Variants in MAN2A1 observed in about 807,000 individuals in gnomAD.
MAN2A1 encodes the protein mannosidase alpha class 2A member 1.
A neutral mutation model predicts 142.6 loss-of-function variants in MAN2A1; 76 were observed. The ratio of observed to expected loss-of-function variants is 0.53; its 90% CI spans 0.44 to 0.65. MAN2A1 has a LOEUF of 0.65. Among genes scored for constraint, MAN2A1 ranks in the 30% least tolerant of loss-of-function variants. The pLI is 0.00. For missense variants in MAN2A1, 1,311 were observed against 1,365.1 expected (o/e 0.96, Z 0.62); for synonymous variants, 559 against 473.2 (o/e 1.18, Z -2.35).
chr5:109,866,506 G>C (rs891231753), intron 21 of MAN2A1, among the ~76,000 whole-genome samples: 1 of 152,050 alleles, frequency 6.6e-6, no homozygotes, highest in Non-Finnish European at 1.5e-5. Context: ...TTCTTTTATT[G>C]AAAAAGCCCC....
chr5:109,709,910 A>G (rs950764992), intron 1 of MAN2A1, among the ~76,000 whole-genome samples: 35 of 152,176 alleles, frequency 2.3e-4, no homozygotes, highest in African/African-American at 8.4e-4. Flanking sequence ...TTGACTTCTC[A>G]GCATAATTGA....
At chr5:109,725,927 G>A (rs182888894) in intron 3 of MAN2A1, among the ~76,000 whole-genome samples, 64 of 152,054 alleles carry the variant, frequency 4.2e-4, no homozygotes, top group Non-Finnish European at 5.9e-5. Flanking sequence ...AAAAAATAGT[G>A]GTATCGAATT....
intron 1 of MAN2A1, among the ~76,000 whole-genome samples, chr5:109,705,216 T>C (rs1329336913): frequency 6.6e-6 from 1 of 152,140 alleles, no homozygotes; most frequent in Non-Finnish European, 1.5e-5. Flanking sequence ...CAAGCTACCA[T>C]GGCTTTTACC....
chr5:109,775,025 C>A, intron 8 of MAN2A1, 60 bp downstream of exon 8: 2 of 1,154,306 alleles, frequency 1.7e-6, no homozygotes, highest in Non-Finnish European at 2.5e-6. Flanking sequence ...TTAAATGAGA[C>A]TATAAACAGA....
intron 20 of MAN2A1, chr5:109,862,918 T>C (rs376470164): frequency 6.6e-6 from 1 of 152,232 alleles, no homozygotes; most frequent in East Asian, 1.9e-4. Flanking sequence ...TTTTTATGAC[T>C]TTTATCTCTA....
chr5:109,710,696 A>AT (rs202013440), intron 1 of MAN2A1, among the ~76,000 whole-genome samples: 12,713 of 144,866 alleles, frequency 0.088, 614 homozygotes, highest in African/African-American at 0.15. Flanking sequence ...TTATTTACCT[A>AT]TTTTTTTTTT....
intron 12 of MAN2A1, among the ~76,000 whole-genome samples, chr5:109,814,760 T>A (rs912167728): frequency 4.6e-5 from 7 of 152,182 alleles, no homozygotes; most frequent in Admixed American, 6.5e-5. Flanking sequence ...ATGGTTAAAA[T>A]TATTGTTTGC....
chr5:109,794,075 A>G (rs984479979), intron 12 of MAN2A1: 2 of 152,202 alleles, frequency 1.3e-5, no homozygotes, highest in African/African-American at 4.8e-5. Flanking sequence ...TAAATGAAGA[A>G]GCCAAACTCG....
intron 5 of MAN2A1, 136 bp from the exon 6 acceptor site, chr5:109,767,399 G>T: frequency 3.3e-6 from 2 of 600,884 alleles, no homozygotes; most frequent in Non-Finnish European, 5.5e-6. Flanking sequence ...ATACTTGGCA[G>T]AGGATAATGC....
rs1268635335 is a variant in MAN2A1 at position 109,833,452 on chromosome 5, G to A, written c.2567-8876G>A. ...GGAGGCCGAGGCTAGCAGATCACTCGTGGTTAGGAGCTGGAGACCAGCCCG... is the reference window on the plus strand; with the variant it reads ...GGAGGCCGAGGCTAGCAGATCACTCATGGTTAGGAGCTGGAGACCAGCCCG... On this transcript the variant is annotated intron_variant, in intron 16 of 21. Coordinates refer to ENST00000261483, the MANE Select transcript of MAN2A1 (RefSeq NM_002372.4). 7.9e-5 allele frequency among the ~76,000 whole-genome samples: 12 copies of A among 152,254 alleles called. No individual in the cohort carries two copies. The South Asian group carries it at 2.5e-3, about 32-fold the overall frequency.
intron 16 of MAN2A1, among the ~76,000 whole-genome samples, chr5:109,832,761 G>A (rs1754950208): frequency 6.6e-6 from 1 of 151,764 alleles, no homozygotes; most frequent in Admixed American, 6.5e-5. Flanking sequence ...CGGCTGGCCG[G>A]GCCGGGGCTG....
At position 109,845,847 on chromosome 5, in the gene MAN2A1, A is replaced by G; in HGVS notation, c.2701-18A>G. 1 of 1,598,874 alleles carries G rather than the reference A, an allele frequency of 6.3e-7. No individual in the cohort carries two copies. Among genetic ancestry groups the G allele is most frequent in the Non-Finnish European group, 8.5e-7 (1 of 1,173,350 alleles). ...TGTAAATATCACTTTTTGTAGATGG[A>G]ATTGTTGTGTTTTATAGATTCAACC... On this transcript the variant is annotated intron_variant, in intron 17 of 21. Coordinates refer to ENST00000261483, the MANE Select transcript of MAN2A1 (RefSeq NM_002372.4).
At chr5:109,711,505 G>A (rs1561472596) in intron 1 of MAN2A1, among the ~76,000 whole-genome samples, 1 of 152,190 alleles carries the variant, frequency 6.6e-6, no homozygotes, top group South Asian at 2.1e-4. Flanking sequence ...TTATGCCAAG[G>A]GATCCCCTTT....
intron 12 of MAN2A1, among the ~76,000 whole-genome samples, chr5:109,804,450 A>G (rs1305748148): frequency 6.6e-6 from 1 of 152,060 alleles, no homozygotes; most frequent in Non-Finnish European, 1.5e-5. Context: ...TACTTAATAT[A>G]TACTCAAAAT....
intron 12 of MAN2A1, among the ~76,000 whole-genome samples, chr5:109,814,077 G>C (rs114948045): frequency 6.6e-6 from 1 of 152,152 alleles, no homozygotes; most frequent in Non-Finnish European, 1.5e-5. Context: ...GAGGCTGGAC[G>C]TGACTTGGTG....
At chr5:109,700,905 T>C (rs1241794711) in intron 1 of MAN2A1, among the ~76,000 whole-genome samples, 1 of 152,250 alleles carries the variant, frequency 6.6e-6, no homozygotes, top group Non-Finnish European at 1.5e-5. Flanking sequence ...CATATGTTAC[T>C]TGTTTTGAAA....
chr5:109,800,776 T>C (rs1754007557), intron 12 of MAN2A1, among the ~76,000 whole-genome samples: 1 of 152,064 alleles, frequency 6.6e-6, no homozygotes, highest in Non-Finnish European at 1.5e-5. Flanking sequence ...GAATTGAAGT[T>C]GTGAATGGTT....
intron 20 of MAN2A1, among the ~76,000 whole-genome samples, chr5:109,857,099 G>A (rs1397440335): frequency 6.6e-6 from 1 of 152,158 alleles, no homozygotes. Context: ...GAGAATAAGA[G>A]ACTCCTGCAG....
At chr5:109,866,771 T>G (rs1755894104) in intron 21 of MAN2A1, 75 bp from the exon 22 acceptor site, 13 of 957,706 alleles carry the variant, frequency 1.4e-5, no homozygotes, top group Non-Finnish European at 2.0e-5. Flanking sequence ...CATACTAATT[T>G]TCACAGAATA....
Sources: allele counts gnomAD v4.1 joint callset (sites outside exome capture counted in the v4.1 genomes callset), GRCh38; gene constraint gnomAD v4.1.1; transcripts MANE v1.5; gene names NCBI Gene and HGNC (gene_info 2026-07-23, HGNC 2026-07-21).